Variants in TACR3 observed in about 807,000 individuals in gnomAD.
TACR3 encodes the protein neuromedin-K receptor.
A neutral mutation model predicts 35.0 loss-of-function variants in TACR3; 34 were observed. The observed-to-expected ratio is 0.97, with a 90% CI of 0.74 to 1.30. TACR3 has a LOEUF of 1.30. Ranked by LOEUF, TACR3 falls within the 50% of genes most tolerant of loss-of-function variation. TACR3 has a pLI of 0.00. For synonymous variants in TACR3, 233 were observed against 221.1 expected (o/e 1.05, Z -0.48); for missense variants, 558 against 591.7 (o/e 0.94, Z 0.59).
chr4:103,660,552 A>C (rs1204338470), intron 1 of TACR3, among the ~76,000 whole-genome samples: 1 of 151,896 alleles, frequency 6.6e-6, no homozygotes, highest in Admixed American at 6.6e-5. Context: ...ACACACAACA[A>C]ATACACACAC....
intron 1 of TACR3, among the ~76,000 whole-genome samples, chr4:103,684,099 C>T (rs1375997341): frequency 6.6e-6 from 1 of 150,594 alleles, no homozygotes; most frequent in Non-Finnish European, 1.5e-5. Context: ...GAGAAATCTA[C>T]AAATAACCTA....
chr4:103,638,966 A>C (rs1725277941), intron 3 of TACR3, among the ~76,000 whole-genome samples: 1 of 152,168 alleles, frequency 6.6e-6, no homozygotes, highest in Admixed American at 6.5e-5. Flanking sequence ...ATGTGGGGAA[A>C]TAGGAACACT....
At chr4:103,678,772 T>TAAAAGG (rs1726226933) in intron 1 of TACR3, among the ~76,000 whole-genome samples, 1 of 143,370 alleles carries the variant, frequency 7.0e-6, no homozygotes, top group Non-Finnish European at 1.5e-5. Context: ...TGAGATACAC[T>TAAAAGG]TAGAAAATAA....
Position 103,719,635 on chromosome 4 carries a change from C to A in TACR3, c.41G>T (p.Gly14Val). 6.2e-7 allele frequency: 1 copy of A among 1,613,494 alleles called. No homozygotes were observed. Among genetic ancestry groups the A allele is most frequent in the Admixed American group, 1.7e-5 (1 of 60,022 alleles). ...CACGGCGTCTGCACCCACGCCTCCA[C>A]CCCCGTCTATCCAGGTTTCTGCTGC... is the stretch of plus-strand genomic sequence containing the variant. ...LPAAETWIDGGGGVGADAVNL... is the reference protein window; with the variant it reads ...LPAAETWIDGVGGVGADAVNL... The change falls in exon 1 of 5, where the codon GGT becomes GTT. Residue 14 changes from glycine to valine, a missense_variant. Transcript: ENST00000304883.
intron 1 of TACR3, among the ~76,000 whole-genome samples, chr4:103,686,956 T>C (rs1722257712): frequency 6.6e-6 from 1 of 152,158 alleles, no homozygotes; most frequent in African/African-American, 2.4e-5. Context: ...AAGAGAATTT[T>C]AGACCAATGT....
chr4:103,698,499 T>G (rs568013827), intron 1 of TACR3, among the ~76,000 whole-genome samples: 140 of 152,168 alleles, frequency 9.2e-4, no homozygotes, highest in Middle Eastern at 3.4e-3. Context: ...ATTTTTAAAA[T>G]TTAATATTAG....
At chr4:103,592,088 T>A (rs1472972913) in intron 3 of TACR3, among the ~76,000 whole-genome samples, 2 of 152,118 alleles carry the variant, frequency 1.3e-5, no homozygotes, top group African/African-American at 4.8e-5. Context: ...CTATGGAGGT[T>A]TACTAGGCTG....
At chr4:103,620,862 A>G (rs1483910515) in intron 3 of TACR3, among the ~76,000 whole-genome samples, 2 of 151,224 alleles carry the variant, frequency 1.3e-5, no homozygotes, top group African/African-American at 4.9e-5. Context: ...AAATCTACAC[A>G]TGTACTTGTC....
chr4:103,599,495 A>C (rs1724134412), intron 3 of TACR3, among the ~76,000 whole-genome samples: 1 of 152,158 alleles, frequency 6.6e-6, no homozygotes, highest in Non-Finnish European at 1.5e-5. Context: ...CACTATGTTG[A>C]ATAGGAGTGG....
chr4:103,670,649 TG>T (rs1199284637), intron 1 of TACR3, among the ~76,000 whole-genome samples: 1 of 152,118 alleles, frequency 6.6e-6, no homozygotes, highest in African/African-American at 2.4e-5. Flanking sequence ...TATTGATTTT[TG>T]TATGTTGATT....
chr4:103,650,613 ATATAT>A (rs1330271202), intron 3 of TACR3, among the ~76,000 whole-genome samples: 1,267 of 104,292 alleles, frequency 0.012, 52 homozygotes, highest in African/African-American at 0.049. Context: ...AAATATATAA[ATATAT>A]TATATATAAA....
chr4:103,669,489 A>G (rs1017035445), intron 1 of TACR3, among the ~76,000 whole-genome samples: 1 of 152,150 alleles, frequency 6.6e-6, no homozygotes, highest in Non-Finnish European at 1.5e-5. Context: ...TTTGTTCTGC[A>G]TCCTCATCAG....
chr4:103,687,746 G>C (rs1307436199), intron 1 of TACR3, among the ~76,000 whole-genome samples: 1 of 152,150 alleles, frequency 6.6e-6, no homozygotes, highest in Non-Finnish European at 1.5e-5. Flanking sequence ...TGAAATAAAA[G>C]AGGATACAAA....
chr4:103,608,365 A>G (rs939175073), intron 3 of TACR3, among the ~76,000 whole-genome samples: 7 of 152,066 alleles, frequency 4.6e-5, no homozygotes, highest in Non-Finnish European at 1.0e-4. Flanking sequence ...TTAAGCACGC[A>G]TGGACATAAA....
chr4:103,595,613 G>A (rs1198870291), intron 3 of TACR3, among the ~76,000 whole-genome samples: 1 of 151,936 alleles, frequency 6.6e-6, no homozygotes, highest in African/African-American at 2.4e-5. Flanking sequence ...AATTAGTGTA[G>A]GATGGATGAT....
At chr4:103,699,764 A>G (rs1156527354) in intron 1 of TACR3, among the ~76,000 whole-genome samples, 3 of 152,028 alleles carry the variant, frequency 2.0e-5, no homozygotes, top group South Asian at 4.1e-4. Context: ...TGGAGTTTTG[A>G]CCTGAGGCTC....
chr4:103,629,100 TA>T (rs1724982859), intron 3 of TACR3, among the ~76,000 whole-genome samples: 1 of 152,148 alleles, frequency 6.6e-6, no homozygotes, highest in African/African-American at 2.4e-5. Context: ...CCCTTCATGC[TA>T]AAAACTCTCA....
chr4:103,700,427 T>C (rs899922619), intron 1 of TACR3, among the ~76,000 whole-genome samples: 11 of 152,166 alleles, frequency 7.2e-5, no homozygotes, highest in African/African-American at 2.2e-4. Context: ...AAACATCTTA[T>C]AGATGATAAT....
rs760350490 is a variant in TACR3, at chr4:103,719,295, C to T, written c.381G>A (p.Leu127=). ...CGGCCATGGAGGCGTCGGAGAAAGC[C>T]AGGTTCACAAGGAAGTAGTTGGTGA... The part of the protein sequence containing the change: ...RTVTNYFLVN[L]AFSDASMAAF... The change falls in exon 1 of 5, where the codon CTG becomes CTA. Residue 127 remains leucine, a synonymous_variant. Coordinates refer to ENST00000304883, the MANE Select transcript of TACR3 (RefSeq NM_001059.3). The T allele has an allele frequency of 3.7e-6, 6 of 1,614,228 alleles. 1 individual carries two copies. The South Asian group carries it at 5.5e-5, about 15-fold the overall frequency.
Sources: gnomAD v4.1 joint callset for allele counts (sites outside exome capture counted in the v4.1 genomes callset) on GRCh38, gnomAD v4.1.1 for gene constraint, MANE v1.5 for transcripts, NCBI Gene and HGNC (gene_info 2026-07-23, HGNC 2026-07-21) for gene names.